Variants in CAPSL observed in about 807,000 individuals in gnomAD.
The protein encoded by CAPSL is calcyphosin-like protein.
A neutral mutation model predicts 21.3 loss-of-function variants in CAPSL; 17 were observed. The observed-to-expected ratio is 0.80, with a 90% CI of 0.55 to 1.20. The LOEUF is 1.20. Among genes scored for constraint, CAPSL ranks in the 50% most tolerant of loss-of-function variants. CAPSL has a pLI of 0.00. For missense variants in CAPSL, 289 were observed against 259.3 expected (o/e 1.11, Z -0.79); for synonymous variants, 102 against 89.3 (o/e 1.14, Z -0.80).
chr5:35,916,594 A>G (rs1341693313), intron 2 of CAPSL, among the ~76,000 whole-genome samples: 2 of 152,224 alleles, frequency 1.3e-5, no homozygotes, highest in Admixed American at 1.3e-4. Context: ...GACAAACCTG[A>G]CAAAAACAAG....
chr5:35,908,057 A>G (rs1738075973), intron 4 of CAPSL, among the ~76,000 whole-genome samples: 1 of 152,216 alleles, frequency 6.6e-6, no homozygotes, highest in African/African-American at 2.4e-5. Flanking sequence ...TATGTGCTCA[A>G]AAAGTGTTGC....
chr5:35,909,504 C>T (rs1174425990), intron 4 of CAPSL, among the ~76,000 whole-genome samples: 2 of 152,176 alleles, frequency 1.3e-5, no homozygotes, highest in Non-Finnish European at 2.9e-5. Context: ...TTATTATAAT[C>T]AGTTCACTGG....
chr5:35,906,316 A>G (rs886475748), intron 4 of CAPSL, among the ~76,000 whole-genome samples: 13 of 152,154 alleles, frequency 8.5e-5, no homozygotes, highest in Admixed American at 2.6e-4. Context: ...CTCCCACAGA[A>G]GTTGAAAAAC....
chr5:35,919,168 A>ATTATATAT (rs1328263175), intron 2 of CAPSL, among the ~76,000 whole-genome samples: 1 of 113,032 alleles, frequency 8.8e-6, no homozygotes, highest in African/African-American at 3.2e-5. Flanking sequence ...ATTAAAAAAA[A>ATTATATAT]AAATATATAT....
At chr5:35,926,717 A>G (rs1738695130) in intron 1 of CAPSL, among the ~76,000 whole-genome samples, 1 of 152,120 alleles carries the variant, frequency 6.6e-6, no homozygotes, top group Non-Finnish European at 1.5e-5. Context: ...CTACCTGCAA[A>G]CACAGAAGGG....
intron 3 of CAPSL, 35 bp from the exon 4 acceptor site, chr5:35,910,110 A>G (rs766095343): frequency 3.9e-5 from 60 of 1,530,802 alleles, no homozygotes; most frequent in Non-Finnish European, 5.2e-5. Flanking sequence ...AGAGACATAC[A>G]TAAGCAAATG....
intron 2 of CAPSL, among the ~76,000 whole-genome samples, chr5:35,914,017 T>C (rs557039096): frequency 2.6e-5 from 4 of 152,190 alleles, no homozygotes; most frequent in Non-Finnish European, 4.4e-5. Context: ...GAGGAAGATC[T>C]ACCAAGCAAA....
chr5:35,913,639 T>C (rs184315408), intron 2 of CAPSL, among the ~76,000 whole-genome samples: 2 of 152,220 alleles, frequency 1.3e-5, no homozygotes, highest in East Asian at 3.9e-4. Context: ...ATAAAAATCC[T>C]TTACAGACAA....
At chr5:35,920,122 T>C (rs1738498017) in intron 2 of CAPSL, among the ~76,000 whole-genome samples, 1 of 152,150 alleles carries the variant, frequency 6.6e-6, no homozygotes, top group Non-Finnish European at 1.5e-5. Flanking sequence ...CTTGGGACTG[T>C]TCAGAGTTTT....
intron 1 of CAPSL, among the ~76,000 whole-genome samples, chr5:35,936,297 C>G (rs1434015905): frequency 6.6e-6 from 1 of 152,086 alleles, no homozygotes. Context: ...AGAGGCCTAC[C>G]CCTCTAAGAT....
At chr5:35,913,815 A>G (rs539046914) in intron 2 of CAPSL, among the ~76,000 whole-genome samples, 2 of 152,200 alleles carry the variant, frequency 1.3e-5, no homozygotes, top group East Asian at 1.9e-4. Context: ...GAGCAAAATA[A>G]CCAGCTAACA....
intron 2 of CAPSL, 120 bp downstream of exon 2, chr5:35,920,864 A>G: frequency 9.8e-7 from 1 of 1,024,370 alleles, no homozygotes. Context: ...CATTTTACAA[A>G]TAAGGAACTG....
At chr5:35,934,375 C>T (rs955945997) in intron 1 of CAPSL, among the ~76,000 whole-genome samples, 3 of 152,192 alleles carry the variant, frequency 2.0e-5, no homozygotes, top group African/African-American at 7.2e-5. Context: ...TCTTGATCAA[C>T]TTCTGAACAG....
chr5:35,925,810 C>T (rs191049498), intron 1 of CAPSL, among the ~76,000 whole-genome samples: 35 of 152,270 alleles, frequency 2.3e-4, no homozygotes, highest in African/African-American at 7.9e-4. Flanking sequence ...GGCGCGGTGG[C>T]TTACGCCTGT....
intron 1 of CAPSL, 109 bp downstream of exon 1, chr5:35,938,432 T>G (rs1436832629): frequency 6.6e-6 from 1 of 152,154 alleles, no homozygotes; most frequent in Non-Finnish European, 1.5e-5. Flanking sequence ...CAAAAGACTT[T>G]TAGATTTTCT....
At chr5:35,914,501 C>G (rs1738318154) in intron 2 of CAPSL, among the ~76,000 whole-genome samples, 1 of 152,122 alleles carries the variant, frequency 6.6e-6, no homozygotes, top group African/African-American at 2.4e-5. Context: ...GAAATTATAA[C>G]AAACTGTCTC....
In CAPSL at chr5:35,927,099, G is replaced by A. The variant is rs146332833; in HGVS notation, c.1-5979C>T. 2.7e-3 allele frequency among the ~76,000 whole-genome samples: 404 copies of A among 152,298 alleles called. 4 individuals are homozygous for A. The highest frequency in any genetic ancestry group is 9.5e-3 in the African/African-American group (397 of 41,580). On this transcript the variant is annotated intron_variant, in intron 1 of 4. Transcript: ENST00000651391. ...GGAAAGGAGGCTTCCCCGCTGGCAG[G>A]GATGTGCAGTCGCGATGGCTGGACC... is the stretch of plus-strand genomic sequence containing the variant.
intron 1 of CAPSL, among the ~76,000 whole-genome samples, chr5:35,930,432 A>G (rs937685221): frequency 1.3e-5 from 2 of 152,202 alleles, no homozygotes; most frequent in Admixed American, 6.5e-5. Flanking sequence ...ATACATATTC[A>G]TATTTCACTT....
chr5:35,924,077 T>C (rs1193248424), intron 1 of CAPSL, among the ~76,000 whole-genome samples: 1 of 152,104 alleles, frequency 6.6e-6, no homozygotes, highest in Non-Finnish European at 1.5e-5. Context: ...TAGCAAAGGT[T>C]AAAAAAGAAA....
Sources: allele counts gnomAD v4.1 joint callset (sites outside exome capture counted in the v4.1 genomes callset), GRCh38; gene constraint gnomAD v4.1.1; transcripts MANE v1.5; gene names NCBI Gene and HGNC (gene_info 2026-07-23, HGNC 2026-07-21).